The following POU6F2 variants were observed in gnomAD, a reference collection of about 807,000 sequenced individuals.
The protein encoded by POU6F2 is POU class 6 homeobox 2, also known as POU domain, class 6, transcription factor 2.
Under a neutral mutation model 71.3 loss-of-function variants are expected in POU6F2, and 31 were observed. That is an observed-to-expected ratio of 0.43 (90% confidence interval 0.33 to 0.59). The LOEUF is 0.59. POU6F2 is among the 20% of genes least tolerant of loss of function. The pLI, the probability that POU6F2 is intolerant of heterozygous loss-of-function variation, is 0.04. For missense variants in POU6F2, 783 were observed against 856.8 expected (o/e 0.91, Z 1.07); for synonymous variants, 347 against 355.7 (o/e 0.98, Z 0.27).
In POU6F2 at chr7:39,158,110, A is replaced by G. The variant is rs1200789714; in HGVS notation, c.278-46125A>G. 7.9e-5 allele frequency among the ~76,000 whole-genome samples: 12 copies of G among 152,212 alleles called. 1 individual carries two copies. The highest frequency in any genetic ancestry group is 7.2e-4 in the Admixed American group (11 of 15,278). ...TAGTTTCTTCATCTGTAAAATGTGG[A>G]TAACTATGTTCCATTCTTCCTAGAA... On this transcript the variant is annotated intron_variant, in intron 2 of 9. Transcript: ENST00000518318.
rs1788916310 is a variant in POU6F2 at position 39,460,377 on chromosome 7, C to T, written c.1490-170C>T. ...TGATTTGTGGAGGTGTAATGAGTTG[C>T]GGATGGAGTGTTGGGTGTCTCACCT... On this transcript the variant is annotated intron_variant, in intron 8 of 9. Coordinates refer to ENST00000518318, the MANE Select transcript of POU6F2 (RefSeq NM_001370959.1). The surrounding 1 kb of genome is among the most constrained non-coding windows in gnomAD (Gnocchi z 4.4). Among the ~76,000 whole-genome samples, 2 of 152,100 alleles carry T rather than the reference C, an allele frequency of 1.3e-5. No homozygotes were observed. The highest frequency in any genetic ancestry group is 2.4e-5 in the African/African-American group (1 of 41,396).
chr7:39,027,727 C>T (rs113589046), intron 1 of POU6F2, among the ~76,000 whole-genome samples: 3 of 152,190 alleles, frequency 2.0e-5, no homozygotes, highest in African/African-American at 7.2e-5. Flanking sequence ...TCCTTCTCTT[C>T]CCCCATAAAC....
intron 4 of POU6F2, among the ~76,000 whole-genome samples, chr7:39,245,474 A>C (rs889925542): frequency 6.6e-6 from 1 of 152,196 alleles, no homozygotes; most frequent in Non-Finnish European, 1.5e-5. Context: ...TCTTGATAGC[A>C]ATATCTACCA....
chr7:39,458,040 C>A, intron 8 of POU6F2, among the ~76,000 whole-genome samples: 1 of 112,212 alleles, frequency 8.9e-6, no homozygotes, highest in Admixed American at 1.3e-4. Context: ...CATTTTAATA[C>A]CACAGATATG....
chr7:39,124,048 C>T (rs1193482927), intron 2 of POU6F2, among the ~76,000 whole-genome samples: 173 of 130,148 alleles, frequency 1.3e-3, no homozygotes, highest in African/African-American at 4.5e-3. Context: ...TAGACTGGGC[C>T]TTTTTTTTTT....
intron 2 of POU6F2, among the ~76,000 whole-genome samples, chr7:39,111,614 A>G (rs779040459): frequency 2.6e-5 from 4 of 151,866 alleles, no homozygotes; most frequent in Admixed American, 6.6e-5. Context: ...ATATAGGTAC[A>G]GATAAAAAAT....
intron 2 of POU6F2, among the ~76,000 whole-genome samples, chr7:39,199,283 A>G (rs1318899932): frequency 6.6e-6 from 1 of 152,228 alleles, no homozygotes; most frequent in East Asian, 1.9e-4. Context: ...TCCTCTTTGC[A>G]AAGGGTAAGG....
At chr7:39,264,639 C>G (rs751064034) in intron 4 of POU6F2, among the ~76,000 whole-genome samples, 4 of 152,142 alleles carry the variant, frequency 2.6e-5, no homozygotes, top group Non-Finnish European at 5.9e-5. Context: ...GCCTATACTC[C>G]TGGTGCCTAG....
rs201268962 is a variant in POU6F2, at chr7:39,464,749, CACA to C, written c.*80_*82del. Reference sequence around the variant, plus strand: ...AAACTAAACTCCACCCTTGGGACTCCACAACAACAACAACAACAAAATTTAATT... The same window carrying C: ...AAACTAAACTCCACCCTTGGGACTCCACAACAACAACAACAAAATTTAATT... On this transcript the variant is annotated 3_prime_UTR_variant, in exon 10 of 10. Coordinates refer to ENST00000518318, the MANE Select transcript of POU6F2 (RefSeq NM_001370959.1). This position sits in a 1 kb window ranked among gnomAD's most constrained non-coding sequence, Gnocchi z 4.1. 1.6e-3 allele frequency: 2,289 copies of C among 1,459,892 alleles called. 28 individuals are homozygous for C. Among genetic ancestry groups the C allele is most frequent in the East Asian group, 0.013 (523 of 40,946 alleles). 90.4% of individuals were successfully genotyped at this position (1,459,892 alleles called of 1,614,324 possible).
At chr7:39,030,553 T>C (rs1287840302) in intron 1 of POU6F2, among the ~76,000 whole-genome samples, 7 of 112,338 alleles carry the variant, frequency 6.2e-5, no homozygotes, top group Non-Finnish European at 1.1e-4. Flanking sequence ...TACACACACA[T>C]ACATATATTC....
intron 5 of POU6F2, among the ~76,000 whole-genome samples, chr7:39,345,407 GTTGAAC>G (rs1235569599): frequency 6.6e-6 from 1 of 152,134 alleles, no homozygotes; most frequent in Non-Finnish European, 1.5e-5. Context: ...TCACTTTCTA[GTTGAAC>G]TTGAACATTG....
intron 4 of POU6F2, among the ~76,000 whole-genome samples, chr7:39,210,678 C>T (rs1024337310): frequency 1.9e-4 from 29 of 152,242 alleles, no homozygotes; most frequent in African/African-American, 6.0e-4. Flanking sequence ...ACATGGTCCC[C>T]AGACCAGCGG....
At chr7:39,338,350 G>T (rs2115606546) in intron 4 of POU6F2, among the ~76,000 whole-genome samples, 1 of 152,354 alleles carries the variant, frequency 6.6e-6, no homozygotes, top group South Asian at 2.1e-4. Flanking sequence ...ACGGGATGAT[G>T]CCGGGGTACT....
chr7:39,368,720 G>A (rs1302697871), intron 5 of POU6F2, among the ~76,000 whole-genome samples: 1 of 152,206 alleles, frequency 6.6e-6, no homozygotes, highest in Non-Finnish European at 1.5e-5. Context: ...TTAAGTTAAA[G>A]CCAGTGCTCA....
At chr7:39,341,784 C>G (rs1785922466) in intron 5 of POU6F2, among the ~76,000 whole-genome samples, 1 of 152,100 alleles carries the variant, frequency 6.6e-6, no homozygotes, top group African/African-American at 2.4e-5. Flanking sequence ...TGAACACTGT[C>G]AGTGTTTTAT....
chr7:39,282,247 C>T (rs1784574789), intron 4 of POU6F2, among the ~76,000 whole-genome samples: 1 of 152,096 alleles, frequency 6.6e-6, no homozygotes, highest in African/African-American at 2.4e-5. Context: ...GTTGTCTCTT[C>T]ACTCTGTTGA....
At chr7:39,358,086 A>G in intron 5 of POU6F2, among the ~76,000 whole-genome samples, 1 of 152,254 alleles carries the variant, frequency 6.6e-6, no homozygotes, top group East Asian at 1.9e-4. Flanking sequence ...TAAAAAAGAA[A>G]AAGCATGACA....
At chr7:39,233,228 A>G (rs1008976367) in intron 4 of POU6F2, among the ~76,000 whole-genome samples, 7 of 152,134 alleles carry the variant, frequency 4.6e-5, no homozygotes, top group African/African-American at 1.4e-4. Flanking sequence ...ACCTGAAAAC[A>G]GGTAATTTGC....
chr7:39,327,759 G>A (rs1785542307), intron 4 of POU6F2, among the ~76,000 whole-genome samples: 1 of 151,278 alleles, frequency 6.6e-6, no homozygotes, highest in African/African-American at 2.4e-5. Flanking sequence ...AAACAGTCAT[G>A]TCTGACAACA....
Sources: allele counts gnomAD v4.1 joint callset (sites outside exome capture counted in the v4.1 genomes callset), GRCh38; gene constraint gnomAD v4.1.1; non-coding constraint Gnocchi (gnomAD v3.1); transcripts MANE v1.5; gene names NCBI Gene and HGNC (gene_info 2026-07-23, HGNC 2026-07-21).